The following TANK variants were observed in gnomAD, a reference collection of about 807,000 sequenced individuals.
TANK encodes the protein TRAF family member associated NFKB activator.
Under a neutral mutation model 43.6 loss-of-function variants are expected in TANK, and 15 were observed. That is an observed-to-expected ratio of 0.34 (90% CI 0.23 to 0.53). The LOEUF (loss-of-function observed/expected upper bound fraction) is 0.53. Among genes scored for constraint, TANK ranks in the 20% least tolerant of loss-of-function variants. TANK has a pLI of 0.94. For missense variants in TANK, 417 were observed against 498.6 expected (o/e 0.84, Z 1.56); for synonymous variants, 162 against 178.2 (o/e 0.91, Z 0.73).
chr2:161,156,330 G>T, upstream of TANK: 1 of 985,314 alleles, frequency 1.0e-6, no homozygotes, highest in South Asian at 4.7e-5. Flanking sequence ...ATTGCATGTT[G>T]TTCTGTGTCC....
At chr2:161,137,766 T>C (rs1222567285) in intron 1 of TANK, 3 of 151,904 alleles carry the variant, frequency 2.0e-5, no homozygotes, top group Non-Finnish European at 2.9e-5. Flanking sequence ...CTGAGATCAG[T>C]AGTTGGAGAC....
intron 1 of TANK, among the ~76,000 whole-genome samples, chr2:161,168,553 C>A (rs564620104): frequency 1.4e-4 from 21 of 152,254 alleles, no homozygotes; most frequent in African/African-American, 5.1e-4. Context: ...CGGTTTAAGG[C>A]CAGGCACAGT....
chr2:161,235,577 A>C lies in TANK; in HGVS notation c.*59A>C. 7.6e-7 allele frequency: 1 copy of C among 1,324,254 alleles called. No homozygotes were observed. Among genetic ancestry groups the C allele is most frequent in the Non-Finnish European group, 1.0e-6 (1 of 981,150 alleles). 82.0% of individuals were successfully genotyped at this position (1,324,254 alleles called of 1,614,324 possible). ...GTGATGATTTTGGGTTTTTAATACT[A>C]TAAATACTTGATTGTAAACTAAATT... is the stretch of plus-strand genomic sequence containing the variant. On this transcript the variant is annotated 3_prime_UTR_variant, in exon 8 of 8. Coordinates refer to ENST00000392749, the MANE Select transcript of TANK (RefSeq NM_001199135.3).
chr2:161,201,141 C>A, intron 2 of TANK: 2 of 985,414 alleles, frequency 2.0e-6, no homozygotes, highest in Non-Finnish European at 2.4e-6. Context: ...CCTTACTATA[C>A]TTCCAGAGTG....
intron 4 of TANK, among the ~76,000 whole-genome samples, chr2:161,221,359 T>A (rs1687330767): frequency 1.3e-5 from 2 of 152,170 alleles, no homozygotes; most frequent in South Asian, 4.1e-4. Context: ...AACTTCATCT[T>A]CCTGCAGTAC....
chr2:161,212,656 C>A (rs1414518358), intron 4 of TANK: 2 of 985,242 alleles, frequency 2.0e-6, no homozygotes, highest in Non-Finnish European at 2.4e-6. Context: ...GCTTTTCTCT[C>A]CTTATTTCCC....
chr2:161,227,008 G>A (rs974911903), intron 6 of TANK: 4 of 36,124 alleles, frequency 1.1e-4, no homozygotes, highest in Non-Finnish European at 3.6e-4. Context: ...GCAAAGCTAA[G>A]TAGTCTTAAA....
upstream of TANK, among the ~76,000 whole-genome samples, chr2:161,157,448 T>C (rs1684257285): frequency 6.6e-6 from 1 of 152,210 alleles, no homozygotes; most frequent in South Asian, 2.1e-4. Flanking sequence ...TTCTCATGTT[T>C]TTCTGATTTT....
intron 6 of TANK, among the ~76,000 whole-genome samples, chr2:161,226,574 C>A (rs903673017): frequency 6.6e-6 from 1 of 151,958 alleles, no homozygotes; most frequent in Admixed American, 6.6e-5. Context: ...GGGAAGAGTA[C>A]GTGTATTGTC....
chr2:161,234,663 A>G (rs1189264371), intron 7 of TANK, among the ~76,000 whole-genome samples: 1 of 152,234 alleles, frequency 6.6e-6, no homozygotes, highest in Non-Finnish European at 1.5e-5. Flanking sequence ...AGCCACAAGA[A>G]TGAGTAAGGC....
chr2:161,215,112 C>T (rs1012668940), intron 4 of TANK, among the ~76,000 whole-genome samples: 1 of 152,180 alleles, frequency 6.6e-6, no homozygotes, highest in Non-Finnish European at 1.5e-5. Context: ...CCAGGATGCT[C>T]AGGGGCCATG....
chr2:161,140,223 T>C (rs1683703229), intron 1 of TANK, among the ~76,000 whole-genome samples: 1 of 152,158 alleles, frequency 6.6e-6, no homozygotes, highest in Non-Finnish European at 1.5e-5. Flanking sequence ...GAATCCATAA[T>C]ACTGTTGGGC....
chr2:161,160,916 A>G (rs1684398392), intron 1 of TANK: 1 of 423,566 alleles, frequency 2.4e-6, no homozygotes, highest in Non-Finnish European at 4.8e-6. Flanking sequence ...CTCTTTCGAA[A>G]ACTTAATTGG....
intron 1 of TANK, among the ~76,000 whole-genome samples, chr2:161,143,094 A>G (rs916142303): frequency 5.9e-5 from 9 of 152,126 alleles, no homozygotes; most frequent in Middle Eastern, 3.4e-3. Flanking sequence ...ATTGTGAATG[A>G]GACTTCATTC....
intron 4 of TANK, among the ~76,000 whole-genome samples, chr2:161,221,677 T>TC (rs1309651593): frequency 5.3e-5 from 8 of 151,640 alleles, no homozygotes; most frequent in East Asian, 3.9e-4. Flanking sequence ...TTTTTTTTTT[T>TC]CCCCCAAGTA....
At chr2:161,213,989 A>G (rs1355592317) in intron 4 of TANK, among the ~76,000 whole-genome samples, 1 of 152,178 alleles carries the variant, frequency 6.6e-6, no homozygotes, top group Non-Finnish European at 1.5e-5. Flanking sequence ...ATATTGGTTC[A>G]CTAAGTTATG....
chr2:161,223,692 T>C (rs1687467436), intron 4 of TANK: 1 of 335,280 alleles, frequency 3.0e-6, no homozygotes, highest in South Asian at 1.2e-4. Flanking sequence ...ACCAGAAATA[T>C]TTCATCTCTT....
At chr2:161,228,305 G>T (rs1267949463) in intron 6 of TANK, among the ~76,000 whole-genome samples, 1 of 152,214 alleles carries the variant, frequency 6.6e-6, no homozygotes, top group South Asian at 2.1e-4. Flanking sequence ...GCTGAGCTGG[G>T]CAGATCACCT....
At chr2:161,221,662 C>CTTT (rs75309944) in intron 4 of TANK, among the ~76,000 whole-genome samples, 2 of 140,860 alleles carry the variant, frequency 1.4e-5, no homozygotes, top group African/African-American at 5.2e-5. Context: ...AAACCGTTTA[C>CTTT]TTTTTTTTTT....
Sources: allele counts gnomAD v4.1 joint callset (sites outside exome capture counted in the v4.1 genomes callset), GRCh38; gene constraint gnomAD v4.1.1; transcripts MANE v1.5; gene names NCBI Gene and HGNC (gene_info 2026-07-23, HGNC 2026-07-21).